TMIGD3: variants seen among roughly 807,000 people sequenced by gnomAD.
TMIGD3 encodes transmembrane and immunoglobulin domain containing 3.
A neutral mutation model predicts 28.1 loss-of-function variants in TMIGD3; 21 were observed. The ratio of observed to expected loss-of-function variants is 0.75; its 90% CI spans 0.53 to 1.08. The LOEUF is 1.08. TMIGD3 is among the 50% of genes least tolerant of loss of function. TMIGD3 has a pLI of 0.00. For synonymous variants in TMIGD3, 151 were observed against 162.1 expected, an observed-to-expected ratio of 0.93 and a Z score of 0.52; for missense variants, 416 against 435.6, an observed-to-expected ratio of 0.96 and a Z score of 0.40.
intron 1 of TMIGD3, among the ~76,000 whole-genome samples, chr1:111,536,045 A>G (rs1457821341): frequency 2.0e-5 from 3 of 152,164 alleles, no homozygotes; most frequent in Admixed American, 2.0e-4. Flanking sequence ...ATTTAAGTCC[A>G]GGAGATGTGG....
At chr1:111,527,051 C>A (rs918183529) in intron 1 of TMIGD3, among the ~76,000 whole-genome samples, 3 of 110,662 alleles carry the variant, frequency 2.7e-5, no homozygotes, top group Non-Finnish European at 5.0e-5. Flanking sequence ...TGCTCTGTTG[C>A]CCAGGCTAGA....
chr1:111,500,062 T>A (rs775106794), intron 1 of TMIGD3: 21 of 1,614,112 alleles, frequency 1.3e-5, no homozygotes, highest in Admixed American at 1.7e-5. Context: ...TTTATAGGCA[T>A]AGACGATAGG....
chr1:111,487,796 T>C (rs1654455058), intron 3 of TMIGD3, among the ~76,000 whole-genome samples: 1 of 152,164 alleles, frequency 6.6e-6, no homozygotes, highest in Non-Finnish European at 1.5e-5. Context: ...GAAATTTATA[T>C]CTGTAAATTA....
intron 1 of TMIGD3, among the ~76,000 whole-genome samples, chr1:111,511,754 T>C (rs1460766985): frequency 2.0e-5 from 3 of 151,682 alleles, no homozygotes; most frequent in Non-Finnish European, 4.4e-5. Flanking sequence ...ACTTTCGCAG[T>C]CAGAGCTCAT....
intron 1 of TMIGD3, among the ~76,000 whole-genome samples, chr1:111,495,079 G>T (rs1295047914): frequency 6.6e-6 from 1 of 152,128 alleles, no homozygotes; most frequent in Non-Finnish European, 1.5e-5. Flanking sequence ...CTGGACATAG[G>T]AACTGGCAAA....
In TMIGD3 at chr1:111,503,458, G is replaced by A. The variant is rs1341065522; in HGVS notation, c.-104C>T. The A allele has an allele frequency of 6.1e-6, 9 of 1,469,460 alleles. No individual in the cohort carries two copies. In the African/African-American group the frequency reaches 1.3e-4, roughly 21 times the overall value. 91.0% of individuals were successfully genotyped at this position (1,469,460 alleles called of 1,614,324 possible). ...GCCAGACGTCTTCCCAGAGGTCCAT[G>A]TGCAGTGACAGTCTAAAATTCCCAA... On this transcript the variant is annotated 5_prime_UTR_variant, in exon 1 of 6. Transcript: ENST00000369716.
intron 5 of TMIGD3, among the ~76,000 whole-genome samples, 196 bp from the exon 6 acceptor site, chr1:111,483,953 A>C (rs909357568): frequency 6.6e-6 from 1 of 152,230 alleles, no homozygotes; most frequent in Non-Finnish European, 1.5e-5. Context: ...GGCTTGGTAC[A>C]CAGGGCTTGC....
At chr1:111,551,148 T>C (rs1239908872) in intron 1 of TMIGD3, among the ~76,000 whole-genome samples, 1 of 152,224 alleles carries the variant, frequency 6.6e-6, no homozygotes, top group Non-Finnish European at 1.5e-5. Flanking sequence ...GGGAGACTTT[T>C]ACAAACAGCA....
At position 111,488,697 on chromosome 1, in the gene TMIGD3, T is replaced by C. The variant is rs1461863484; in HGVS notation, c.785A>G (p.Asn262Ser). The C allele has an allele frequency of 1.7e-5, 28 of 1,613,606 alleles. No individual in the cohort carries two copies. Among genetic ancestry groups the C allele is most frequent in the East Asian group, 2.2e-5 (1 of 44,890 alleles). The part of the protein sequence containing the change: ...IVTDDKGTLA[N>S]DFWSGKDLSG... ...CTTACCTTTCCCAGACCAAAAGTCA[T>C]TGGCCAGGGTTCCTTTGTCGTCAGT... Residue 262 changes from asparagine to serine, a missense_variant, in exon 3 of 6, where the codon AAT (asparagine) becomes AGT (serine). Asn to Ser is a conservative substitution (Grantham distance 46, BLOSUM62 1). Transcript: ENST00000369716.
At chr1:111,492,800 T>C (rs1190226560) in intron 1 of TMIGD3, among the ~76,000 whole-genome samples, 2 of 125,536 alleles carry the variant, frequency 1.6e-5, no homozygotes, top group African/African-American at 6.3e-5. Flanking sequence ...GGCAACAGAG[T>C]GAGATGCTGT....
At chr1:111,489,398 T>C (rs1654546955) in intron 2 of TMIGD3, 1 of 274,638 alleles carries the variant, frequency 3.6e-6, no homozygotes, top group Admixed American at 5.1e-5. Context: ...CAGAAGGCAA[T>C]CATCTGCAAA....
chr1:111,501,920 A>G (rs1221065262), intron 1 of TMIGD3, among the ~76,000 whole-genome samples: 5 of 151,148 alleles, frequency 3.3e-5, no homozygotes, highest in Admixed American at 6.7e-5. Context: ...AGTTCGTTCT[A>G]TTCATATGGT....
chr1:111,549,182 T>C (rs1224551164), intron 1 of TMIGD3, among the ~76,000 whole-genome samples: 3 of 152,180 alleles, frequency 2.0e-5, no homozygotes, highest in East Asian at 1.9e-4. Flanking sequence ...TAGGGTAATA[T>C]TGGTCTTATA....
intron 1 of TMIGD3, among the ~76,000 whole-genome samples, chr1:111,545,565 C>G (rs1376115018): frequency 6.6e-6 from 1 of 152,042 alleles, no homozygotes; most frequent in African/African-American, 2.4e-5. Flanking sequence ...TTCCCCCGTT[C>G]TCTGGTTTGT....
chr1:111,502,964 C>G (rs1391623968), intron 1 of TMIGD3, 41 bp downstream of exon 1: 5 of 1,600,368 alleles, frequency 3.1e-6, no homozygotes, highest in Middle Eastern at 2.0e-4. Context: ...GCCTCATTTC[C>G]CAGCTGCCTC....
chr1:111,499,484 A>T (rs1275471344), intron 1 of TMIGD3: 17 of 994,474 alleles, frequency 1.7e-5, no homozygotes, highest in Non-Finnish European at 2.0e-5. Flanking sequence ...CAGCAGTTTA[A>T]GTCCCCCTTA....
chr1:111,520,801 G>A (rs1656031877), intron 1 of TMIGD3, among the ~76,000 whole-genome samples: 1 of 152,176 alleles, frequency 6.6e-6, no homozygotes, highest in African/African-American at 2.4e-5. Context: ...GTGCTGGTAG[G>A]TAGTAATCTG....
At chr1:111,556,005 A>G (rs1425389757) in intron 1 of TMIGD3, among the ~76,000 whole-genome samples, 4 of 152,242 alleles carry the variant, frequency 2.6e-5, no homozygotes, top group Admixed American at 6.5e-5. Context: ...AAATATTTGT[A>G]AATCATGTAT....
intron 1 of TMIGD3, among the ~76,000 whole-genome samples, chr1:111,532,424 C>G (rs2101015499): frequency 6.6e-6 from 1 of 152,300 alleles, no homozygotes; most frequent in Middle Eastern, 3.4e-3. Context: ...TTTGCACTCG[C>G]CAGAAGTATT....
Sources: allele counts gnomAD v4.1 joint callset (sites outside exome capture counted in the v4.1 genomes callset), GRCh38; gene constraint gnomAD v4.1.1; transcripts MANE v1.5; gene names NCBI Gene and HGNC (gene_info 2026-07-23, HGNC 2026-07-21).